C2CD3: variants seen among roughly 807,000 people sequenced by gnomAD.
C2CD3 encodes C2 domain containing 3 centriole elongation regulator.
A neutral mutation model predicts 234.0 loss-of-function variants in C2CD3; 148 were observed. The ratio of observed to expected loss-of-function variants is 0.63; its 90% CI spans 0.55 to 0.72. The LOEUF is 0.72. C2CD3 is among the 30% of genes least tolerant of loss of function. The probability of loss-of-function intolerance (pLI) is 0.00; values close to 1 mark genes in which losing one functional copy is unlikely to be tolerated. For synonymous variants in C2CD3, 1,000 were observed against 1,035.4 expected, an observed-to-expected ratio of 0.97 and a Z score of 0.66; for missense variants, 2,577 against 2,811.5, an observed-to-expected ratio of 0.92 and a Z score of 1.89.
chr11:74,103,886 G>C (rs1241730504), intron 13 of C2CD3, among the ~76,000 whole-genome samples: 2 of 152,270 alleles, frequency 1.3e-5, no homozygotes, highest in East Asian at 1.9e-4. Context: ...GAAAAGAATG[G>C]AGCCATGTTT....
intron 3 of C2CD3, among the ~76,000 whole-genome samples, chr11:74,143,485 T>C (rs1485270409): frequency 1.3e-5 from 2 of 150,628 alleles, no homozygotes; most frequent in Non-Finnish European, 3.0e-5. Flanking sequence ...CCAAAGTAGC[T>C]GGGATTACTG....
chr11:74,150,873 T>A (rs898891048), intron 3 of C2CD3, among the ~76,000 whole-genome samples: 2 of 152,152 alleles, frequency 1.3e-5, no homozygotes, highest in African/African-American at 4.8e-5. Context: ...TTGGTTTCTA[T>A]GAATCAGGAT....
At position 74,033,568 on chromosome 11, in the gene C2CD3, C is replaced by G; in HGVS notation, c.6592G>C (p.Asp2198His). The change falls in exon 31 of 33, where the codon GAT becomes CAT. Residue 2198 changes from aspartate (D) to histidine (H), a missense_variant. Coordinates refer to ENST00000334126, the MANE Select transcript of C2CD3 (RefSeq NM_001286577.2). The part of the protein sequence containing the change: ...TFVGWSSPQT[D>H]QNKEPKSEAP... ...TCTGACTTGGGCTCCTTGTTCTGAT[C>G]TGTCTGTGGTGAGCTCCATCCAACA... 1 of 1,536,194 alleles carries G rather than the reference C, an allele frequency of 6.5e-7. No homozygotes were observed. Among genetic ancestry groups the G allele is most frequent in the Non-Finnish European group, 8.7e-7 (1 of 1,146,916 alleles).
At chr11:74,158,583 G>A (rs994985653) in intron 3 of C2CD3, among the ~76,000 whole-genome samples, 2 of 151,946 alleles carry the variant, frequency 1.3e-5, no homozygotes, top group African/African-American at 2.4e-5. Flanking sequence ...CTAGCCAGGC[G>A]TGTTGGTGCA....
At chr11:74,133,065 A>G in intron 6 of C2CD3, 93 bp from the exon 7 acceptor site, 1 of 1,231,790 alleles carries the variant, frequency 8.1e-7, no homozygotes, top group Non-Finnish European at 1.2e-6. Context: ...GGTCTGACTC[A>G]GAAAATTTAA....
Position 74,057,393 on chromosome 11 carries a change from G to C in C2CD3, c.5090+13C>G. 1 of 1,613,956 alleles carries C rather than the reference G, an allele frequency of 6.2e-7. No homozygotes were observed. Among genetic ancestry groups the C allele is most frequent in the Non-Finnish European group, 8.5e-7 (1 of 1,179,874 alleles). On this transcript the variant is annotated intron_variant, in intron 25 of 32. Coordinates refer to ENST00000334126, the MANE Select transcript of C2CD3 (RefSeq NM_001286577.2). ...AGATTCTGGAAGGCTGACGAATAAC[G>C]GATAACACAAACCTTGACTGCTGTT...
At chr11:74,170,113 ACT>A (rs371330978) in intron 1 of C2CD3, among the ~76,000 whole-genome samples, 37 of 151,870 alleles carry the variant, frequency 2.4e-4, no homozygotes, top group African/African-American at 8.9e-4. Context: ...CCTGATGAGG[ACT>A]CTCTGCTGCA....
At chr11:74,029,684 T>G (rs1952445085) in intron 31 of C2CD3, among the ~76,000 whole-genome samples, 1 of 152,226 alleles carries the variant, frequency 6.6e-6, no homozygotes, top group Non-Finnish European at 1.5e-5. Context: ...CATGGAAGTC[T>G]CTTTCCCAGC....
intron 32 of C2CD3, among the ~76,000 whole-genome samples, chr11:74,018,551 A>C (rs977657120): frequency 6.6e-6 from 1 of 152,134 alleles, no homozygotes; most frequent in East Asian, 1.9e-4. Flanking sequence ...GGCTAGGTGG[A>C]CCTGCCAATG....
At chr11:74,040,100 G>A (rs1952952663) in intron 29 of C2CD3, among the ~76,000 whole-genome samples, 1 of 152,244 alleles carries the variant, frequency 6.6e-6, no homozygotes, top group African/African-American at 2.4e-5. Context: ...GTGGGGGCAA[G>A]TGAGCTTTAC....
intron 32 of C2CD3, among the ~76,000 whole-genome samples, chr11:74,023,272 G>C (rs146009125): frequency 9.4e-4 from 143 of 152,352 alleles, no homozygotes; most frequent in Middle Eastern, 3.4e-3. Context: ...GCCCTGACCC[G>C]GAAGCAGATC....
chr11:74,030,299 G>T (rs572524901), intron 31 of C2CD3, among the ~76,000 whole-genome samples: 7 of 152,256 alleles, frequency 4.6e-5, no homozygotes, highest in African/African-American at 1.2e-4. Context: ...TGCCTAGAAT[G>T]GTGCCTCGAT....
At chr11:74,144,484 T>C (rs1390753865) in intron 3 of C2CD3, among the ~76,000 whole-genome samples, 2 of 152,208 alleles carry the variant, frequency 1.3e-5, no homozygotes, top group East Asian at 3.9e-4. Flanking sequence ...GGGGTACATG[T>C]GCAGATTTGT....
chr11:74,078,600 C>A lies in C2CD3; in HGVS notation c.4118G>T (p.Gly1373Val), dbSNP rs1296207261. 1 of 1,614,156 alleles carries A rather than the reference C, an allele frequency of 6.2e-7. No homozygotes were observed. The highest frequency in any genetic ancestry group is 8.5e-7 in the Non-Finnish European group (1 of 1,180,008). Residue 1373 changes from glycine (G) to valine (V), a missense_variant, in exon 23 of 33, where the codon GGA becomes GTA. By Grantham distance (109) the Gly-to-Val change is moderately radical. Transcript: ENST00000334126. The stretch of plus-strand genomic sequence containing the variant: ...AGCTTCCAACACCCGTTCTCTATCT[C>A]CACGATGCGTGAAGGAAATCGAAAG... ...LELSISFTHR[G>V]DRERVLEAAE...
At chr11:74,147,496 A>G (rs1855296614) in intron 3 of C2CD3, among the ~76,000 whole-genome samples, 1 of 152,220 alleles carries the variant, frequency 6.6e-6, no homozygotes, top group Non-Finnish European at 1.5e-5. Context: ...TCATTAGTAC[A>G]TGGATATTAG....
In C2CD3 at chr11:74,170,842, A is replaced by G; in HGVS notation, c.-50T>C. ...AGCTCAACTCCGTCTCCAGCACCTA[A>G]GCAGTATCCTCCCGCCATCCCTCCC... On this transcript the variant is annotated 5_prime_UTR_variant, in exon 1 of 33. Transcript: ENST00000334126. 2 of 1,611,762 alleles carry G rather than the reference A, an allele frequency of 1.2e-6. No homozygotes were observed. The highest frequency in any genetic ancestry group is 1.7e-6 in the Non-Finnish European group (2 of 1,178,812).
intron 24 of C2CD3, among the ~76,000 whole-genome samples, chr11:74,072,147 T>C (rs542904103): frequency 2.9e-4 from 44 of 152,306 alleles, no homozygotes; most frequent in African/African-American, 1.1e-3. Flanking sequence ...AGAAAATTTT[T>C]TTTTCTTTAA....
chr11:74,162,469 G>C (rs1029293499), intron 2 of C2CD3, among the ~76,000 whole-genome samples: 4 of 152,072 alleles, frequency 2.6e-5, no homozygotes, highest in Non-Finnish European at 2.9e-5. Context: ...AATGAAAAAA[G>C]TGACACAACT....
intron 31 of C2CD3, among the ~76,000 whole-genome samples, chr11:74,032,543 G>A (rs1049231652): frequency 2.0e-5 from 3 of 152,126 alleles, no homozygotes; most frequent in African/African-American, 7.2e-5. Flanking sequence ...CATCTCCATG[G>A]TGCCTGTTTA....
Sources: gnomAD v4.1 joint callset for allele counts (sites outside exome capture counted in the v4.1 genomes callset) on GRCh38, gnomAD v4.1.1 for gene constraint, MANE v1.5 for transcripts, NCBI Gene and HGNC (gene_info 2026-07-23, HGNC 2026-07-21) for gene names.